DDC: variants seen among roughly 807,000 people sequenced by gnomAD.
The protein encoded by DDC is dopa decarboxylase.
DDC carries 43 observed loss-of-function variants against 60.0 expected under a neutral mutation model. The ratio of observed to expected loss-of-function variants is 0.72; its 90% CI spans 0.56 to 0.92. DDC has a LOEUF of 0.92. DDC is among the 40% of genes least tolerant of loss of function. The pLI is 0.00. For missense variants in DDC, 573 were observed against 620.2 expected, an observed-to-expected ratio of 0.92 and a Z score of 0.81; for synonymous variants, 232 against 234.6, an observed-to-expected ratio of 0.99 and a Z score of 0.10.
At chr7:50,544,263 A>G (rs1305014825) in intron 1 of DDC, 150 bp from the exon 2 acceptor site, 4 of 677,880 alleles carry the variant, frequency 5.9e-6, no homozygotes, top group African/African-American at 1.8e-5. Flanking sequence ...CTTTCCCTCC[A>G]TGTCTGTAGG....
chr7:50,496,291 G>A (rs1032408375), intron 8 of DDC, among the ~76,000 whole-genome samples: 1 of 152,006 alleles, frequency 6.6e-6, no homozygotes, highest in Non-Finnish European at 1.5e-5. Context: ...GTCTCATTAC[G>A]TTGCCCAGGC....
chr7:50,479,875 G>A lies in DDC; in HGVS notation c.945-12C>T. 1 of 1,611,112 alleles carries A rather than the reference G, an allele frequency of 6.2e-7. No homozygotes were observed. Among genetic ancestry groups the A allele is most frequent in the Non-Finnish European group, 8.5e-7 (1 of 1,177,802 alleles). On this transcript the variant is annotated splice_polypyrimidine_tract_variant and intron_variant, in intron 9 of 14. Transcript: ENST00000444124. Reference sequence around the variant, plus strand: ...TTCTCTTTTTCACCCTGGTTTTAGAGAACAAATGAAAGGGCTGATAACCAA... The same window carrying A: ...TTCTCTTTTTCACCCTGGTTTTAGAAAACAAATGAAAGGGCTGATAACCAA...
At chr7:50,553,302 T>C (rs551897403) in intron 1 of DDC, among the ~76,000 whole-genome samples, 1 of 152,294 alleles carries the variant, frequency 6.6e-6, no homozygotes, top group African/African-American at 2.4e-5. Context: ...TGACATTTTT[T>C]ACACTATTCC....
intron 7 of DDC, among the ~76,000 whole-genome samples, chr7:50,502,427 C>T (rs796696326): frequency 2.2e-4 from 33 of 152,284 alleles, no homozygotes; most frequent in African/African-American, 7.5e-4. Flanking sequence ...CCCTTTAAAT[C>T]CGATAGCCCT....
intron 4 of DDC, among the ~76,000 whole-genome samples, chr7:50,531,273 C>A (rs2044197114): frequency 6.6e-6 from 1 of 152,210 alleles, no homozygotes; most frequent in Admixed American, 6.5e-5. Context: ...ACCTTACTTA[C>A]ACTTCTCCTA....
chr7:50,483,566 C>CTGAT (rs2042816233), intron 9 of DDC, among the ~76,000 whole-genome samples: 1 of 152,068 alleles, frequency 6.6e-6, no homozygotes. Context: ...TAGGATTGGA[C>CTGAT]TGATAAGTTT....
At chr7:50,491,936 T>C (rs937925215) in intron 9 of DDC, among the ~76,000 whole-genome samples, 10 of 152,222 alleles carry the variant, frequency 6.6e-5, no homozygotes, top group Non-Finnish European at 1.2e-4. Context: ...GGAATGTCCC[T>C]AAGCTTAGCA....
At chr7:50,490,327 A>G (rs1048549399) in intron 9 of DDC, among the ~76,000 whole-genome samples, 3 of 152,214 alleles carry the variant, frequency 2.0e-5, no homozygotes, top group Non-Finnish European at 4.4e-5. Context: ...CAATTCATAC[A>G]GGTATCTATA....
intron 4 of DDC, among the ~76,000 whole-genome samples, chr7:50,529,808 T>G (rs2044147179): frequency 6.6e-6 from 1 of 152,190 alleles, no homozygotes. Flanking sequence ...TTAAAGGGTT[T>G]CTTTTGATTC....
chr7:50,530,546 T>A (rs1362115499), intron 4 of DDC, among the ~76,000 whole-genome samples: 3 of 152,166 alleles, frequency 2.0e-5, no homozygotes, highest in African/African-American at 4.8e-5. Context: ...GTAAAAATAA[T>A]CCCATTTTTG....
At chr7:50,485,746 T>C (rs2042866863) in intron 9 of DDC, among the ~76,000 whole-genome samples, 1 of 152,192 alleles carries the variant, frequency 6.6e-6, no homozygotes, top group Non-Finnish European at 1.5e-5. Flanking sequence ...ATATTTATTT[T>C]TATTTCATGA....
chr7:50,556,110 C>T, intron 1 of DDC, among the ~76,000 whole-genome samples: 1 of 152,156 alleles, frequency 6.6e-6, no homozygotes, highest in Non-Finnish European at 1.5e-5. Flanking sequence ...CAAATGGTAA[C>T]CAGAAAGAGA....
At chr7:50,556,001 C>T (rs892180666) in intron 1 of DDC, among the ~76,000 whole-genome samples, 1 of 152,196 alleles carries the variant, frequency 6.6e-6, no homozygotes, top group African/African-American at 2.4e-5. Context: ...ACCAGTTTCT[C>T]CTAGGGCTGC....
intron 9 of DDC, among the ~76,000 whole-genome samples, chr7:50,485,489 A>G (rs1282995378): frequency 2.0e-5 from 3 of 152,350 alleles, no homozygotes; most frequent in Non-Finnish European, 4.4e-5. Flanking sequence ...TCTAATTTTA[A>G]AGAATACAAA....
chr7:50,550,423 T>C (rs932538352), intron 1 of DDC, among the ~76,000 whole-genome samples: 8 of 152,242 alleles, frequency 5.3e-5, no homozygotes, highest in Non-Finnish European at 1.2e-4. Flanking sequence ...ACTCCCTTTA[T>C]GGTGGTCACC....
intron 1 of DDC, among the ~76,000 whole-genome samples, chr7:50,552,214 T>C (rs983525350): frequency 1.3e-5 from 2 of 152,256 alleles, no homozygotes; most frequent in Non-Finnish European, 2.9e-5. Context: ...TGCTCATTTG[T>C]AGCTGTTTGA....
At chr7:50,529,640 C>G (rs1033792802) in intron 4 of DDC, among the ~76,000 whole-genome samples, 6 of 152,176 alleles carry the variant, frequency 3.9e-5, no homozygotes, top group Admixed American at 1.3e-4. Flanking sequence ...TGGACTGCCC[C>G]CAGCCTGGCC....
At chr7:50,501,788 T>C (rs901703326) in intron 7 of DDC, among the ~76,000 whole-genome samples, 11 of 152,106 alleles carry the variant, frequency 7.2e-5, no homozygotes, top group Non-Finnish European at 1.6e-4. Flanking sequence ...AAAATGGAAA[T>C]GTTGGCCGGA....
At chr7:50,463,175 C>T in intron 14 of DDC, 38 bp downstream of exon 14, 1 of 1,527,242 alleles carries the variant, frequency 6.5e-7, no homozygotes, top group East Asian at 2.4e-5. Context: ...TGCCACGGGA[C>T]AAGGAGACAG....
Sources: allele counts gnomAD v4.1 joint callset (sites outside exome capture counted in the v4.1 genomes callset), GRCh38; gene constraint gnomAD v4.1.1; transcripts MANE v1.5; gene names NCBI Gene and HGNC (gene_info 2026-07-23, HGNC 2026-07-21).